Variants in NCOR2 observed in about 807,000 individuals in gnomAD.
NCOR2 encodes CTG repeat protein 26.
NCOR2 carries 81 observed loss-of-function variants against 262.9 expected under a neutral mutation model. The ratio of observed to expected loss-of-function variants is 0.31; its 90% CI spans 0.26 to 0.37. The LOEUF is 0.37. NCOR2 is among the 10% of genes least tolerant of loss of function. The pLI is 1.00. For synonymous variants in NCOR2, 1,659 were observed against 1,559.3 expected (o/e 1.06, Z -1.51); for missense variants, 3,385 against 3,621.4 (o/e 0.93, Z 1.68).
At chr12:124,541,979 G>A (rs1489930559) in intron 1 of NCOR2, among the ~76,000 whole-genome samples, 2 of 151,388 alleles carry the variant, frequency 1.3e-5, no homozygotes, top group Non-Finnish European at 1.5e-5. Context: ...CCACAGGAGG[G>A]GAGCCACGTG....
At chr12:124,439,193 G>GGAAACCCAGAGACAGAGGGAGACA (rs2044636107) in intron 7 of NCOR2, among the ~76,000 whole-genome samples, 4 of 13,040 alleles carry the variant, frequency 3.1e-4, no homozygotes, top group Admixed American at 9.7e-4. Context: ...AGAGAGAGAC[G>GGAAACCCAGAGACAGAGGGAGACA]GAGACCCAGA....
intron 1 of NCOR2, among the ~76,000 whole-genome samples, chr12:124,515,380 G>GA (rs11285264): frequency 0.012 from 1,758 of 145,316 alleles, 15 homozygotes; most frequent in African/African-American, 0.025. Context: ...TTCAAAAAAG[G>GA]AAAAAAAAAA....
chr12:124,390,433 T>C (rs1302043146), intron 16 of NCOR2, among the ~76,000 whole-genome samples: 1 of 152,036 alleles, frequency 6.6e-6, no homozygotes, highest in Non-Finnish European at 1.5e-5. Flanking sequence ...TTGGCTCAAG[T>C]GATGGCTCCT....
chr12:124,346,145 C>G (rs886262042), intron 31 of NCOR2, among the ~76,000 whole-genome samples: 2 of 152,184 alleles, frequency 1.3e-5, no homozygotes, highest in African/African-American at 4.8e-5. Context: ...ATTTACTCAG[C>G]AATAAAATAA....
chr12:124,553,284 G>A (rs1056701467), intron 1 of NCOR2, among the ~76,000 whole-genome samples: 6 of 152,156 alleles, frequency 3.9e-5, no homozygotes, highest in Non-Finnish European at 8.8e-5. Flanking sequence ...CCCATCTCAA[G>A]GTCAGCTGGT....
intron 19 of NCOR2, among the ~76,000 whole-genome samples, chr12:124,373,781 C>CCGGGCACAG (rs2039749176): frequency 7.0e-5 from 1 of 14,318 alleles, no homozygotes; most frequent in African/African-American, 1.3e-4. Flanking sequence ...TGCAGGGGCC[C>CCGGGCACAG]TGGGCACGGT....
chr12:124,562,273 C>CT (rs1566062785), intron 1 of NCOR2: 1 of 152,192 alleles, frequency 6.6e-6, no homozygotes, highest in Non-Finnish European at 1.5e-5. Flanking sequence ...GGCTAAAGCA[C>CT]GGGACAGCGC....
chr12:124,461,168 G>A (rs1175766172), intron 5 of NCOR2, among the ~76,000 whole-genome samples: 3 of 152,194 alleles, frequency 2.0e-5, no homozygotes, highest in Non-Finnish European at 2.9e-5. Context: ...GCTGAAACCC[G>A]ACTGCCCCCA....
chr12:124,491,321 C>G (rs376556675), intron 1 of NCOR2, among the ~76,000 whole-genome samples: 1 of 152,230 alleles, frequency 6.6e-6, no homozygotes, highest in African/African-American at 2.4e-5. Context: ...ATACCCTGTG[C>G]GAAGGACTCT....
At chr12:124,330,987 T>C in intron 43 of NCOR2, 89 bp from the exon 46 acceptor site, 1 of 1,358,296 alleles carries the variant, frequency 7.4e-7, no homozygotes, top group Non-Finnish European at 1.0e-6. Context: ...CCAGGTGTGC[T>C]GGCATCACCT....
intron 8 of NCOR2, among the ~76,000 whole-genome samples, chr12:124,436,266 CTG>C (rs2044332660): frequency 2.0e-5 from 3 of 152,190 alleles, no homozygotes; most frequent in Admixed American, 2.0e-4. Context: ...TGAGCCAGGC[CTG>C]CGCCTGGGAG....
chr12:124,446,680 A>G (rs1159756569), intron 7 of NCOR2, among the ~76,000 whole-genome samples: 2 of 152,092 alleles, frequency 1.3e-5, no homozygotes, highest in African/African-American at 4.8e-5. Context: ...TACCCCACTT[A>G]CCAGAGTAAT....
rs1180529709 is a variant in NCOR2 at position 124,503,458 on chromosome 12, CATGGACTGATGGATGG to C, written c.-117-8106_-117-8091del. On this transcript the variant is annotated intron_variant, in intron 1 of 46. Coordinates refer to the NCOR2 transcript ENST00000404621. The surrounding 1 kb of genome is among the most constrained non-coding windows in gnomAD (Gnocchi z 4.3). ...ATGGATAGAGAAAGGAGGAAGGATG[CATGGACTGATGGATGG>C]ATGGATGGATGATGGATTGATGGAT... 1.4e-5 allele frequency among the ~76,000 whole-genome samples: 2 copies of C among 145,742 alleles called. No individual in the cohort carries two copies. The highest frequency in any genetic ancestry group is 3.0e-5 in the Non-Finnish European group (2 of 66,604).
intron 11 of NCOR2, among the ~76,000 whole-genome samples, chr12:124,425,340 C>T (rs1345302117): frequency 1.3e-5 from 2 of 151,860 alleles, no homozygotes; most frequent in African/African-American, 4.8e-5. Flanking sequence ...TGCCATTGTA[C>T]TCCAGCCTGG....
upstream of NCOR2, among the ~76,000 whole-genome samples, chr12:124,536,748 A>G (rs2051126114): frequency 6.6e-6 from 1 of 152,214 alleles, no homozygotes; most frequent in African/African-American, 2.4e-5. Context: ...CAGTTTGGCC[A>G]TTTCTTATAG....
chr12:124,331,627 T>A (rs2035207907), intron 43 of NCOR2: 1 of 147,012 alleles, frequency 6.8e-6, no homozygotes, highest in Non-Finnish European at 1.5e-5. Flanking sequence ...AAGTTTTTTG[T>A]AGAGATGGGG....
In NCOR2 at chr12:124,494,863, A is replaced by G. The variant is rs79534155; in HGVS notation, c.105+284T>C. Among the ~76,000 whole-genome samples, 225 of 152,336 alleles carry G rather than the reference A, an allele frequency of 1.5e-3. 1 individual carries two copies. The highest frequency in any genetic ancestry group is 5.2e-3 in the African/African-American group (216 of 41,578). ...AAAGTGAATACAGCAGGAGCTCCAC[A>G]TTCGCGTGCCAATCCCACTACCAGT... On this transcript the variant is annotated intron_variant, in intron 1 of 46. Coordinates refer to ENST00000405201, the Ensembl canonical transcript of NCOR2.
chr12:124,450,284 C>G (rs2045440039), intron 6 of NCOR2, among the ~76,000 whole-genome samples: 1 of 152,258 alleles, frequency 6.6e-6, no homozygotes, highest in African/African-American at 2.4e-5. Context: ...CCACTCCACC[C>G]CCACTGACCA....
chr12:124,409,616 C>CT (rs1353565151), intron 13 of NCOR2, among the ~76,000 whole-genome samples: 42 of 151,894 alleles, frequency 2.8e-4, no homozygotes, highest in African/African-American at 9.2e-4. Context: ...CTTGTTTGCC[C>CT]TTTTTTTTGG....
Sources: gnomAD v4.1 joint callset for allele counts (sites outside exome capture counted in the v4.1 genomes callset) on GRCh38, gnomAD v4.1.1 for gene constraint, Gnocchi (gnomAD v3.1) non-coding constraint, MANE v1.5 for transcripts, NCBI Gene and HGNC (gene_info 2026-07-23, HGNC 2026-07-21) for gene names.